EXOC5: variants seen among roughly 807,000 people sequenced by gnomAD.
The protein encoded by EXOC5 is SEC10-like 1.
In EXOC5, 17 loss-of-function variants were observed where a neutral mutation model predicts 90.8. That is an observed-to-expected ratio of 0.19 (90% CI 0.13 to 0.28). The LOEUF (loss-of-function observed/expected upper bound fraction) is 0.28, where lower values mean the gene tolerates loss of function less well. Ranked by LOEUF, EXOC5 falls within the 10% of genes least tolerant of loss-of-function variation. The pLI is 1.00. For synonymous variants in EXOC5, 260 were observed against 270.0 expected (o/e 0.96, Z 0.36); for missense variants, 569 against 830.6 (o/e 0.69, Z 3.87).
intron 6 of EXOC5, among the ~76,000 whole-genome samples, chr14:57,237,057 C>G (rs898733479): frequency 6.6e-6 from 1 of 151,866 alleles, no homozygotes; most frequent in African/African-American, 2.4e-5. Flanking sequence ...GATAGAAGTA[C>G]ATATAAATAT....
intron 1 of EXOC5, among the ~76,000 whole-genome samples, chr14:57,256,647 C>T (rs1884357323): frequency 6.6e-6 from 1 of 152,218 alleles, no homozygotes; most frequent in African/African-American, 2.4e-5. Flanking sequence ...CAAGAAGGGA[C>T]TTGCTCTAAC....
At chr14:57,241,654 C>T (rs376097361) in intron 4 of EXOC5, among the ~76,000 whole-genome samples, 31 of 152,060 alleles carry the variant, frequency 2.0e-4, no homozygotes, top group Non-Finnish European at 1.8e-4. Context: ...CTTAAGGTTA[C>T]AATATACAAC....
At chr14:57,253,875 T>C (rs1253835971) in intron 1 of EXOC5, among the ~76,000 whole-genome samples, 1 of 152,160 alleles carries the variant, frequency 6.6e-6, no homozygotes, top group East Asian at 1.9e-4. Context: ...TTACTTGTAA[T>C]ACCTAAAACT....
At chr14:57,250,419 CAAT>C (rs914520989) in intron 1 of EXOC5, among the ~76,000 whole-genome samples, 4 of 152,160 alleles carry the variant, frequency 2.6e-5, no homozygotes, top group Non-Finnish European at 5.9e-5. Context: ...TGCCTATACA[CAAT>C]AATAATTCTC....
chr14:57,217,765 A>G (rs1325906318), intron 15 of EXOC5, among the ~76,000 whole-genome samples: 3 of 152,118 alleles, frequency 2.0e-5, no homozygotes, highest in Non-Finnish European at 2.9e-5. Context: ...TGAGGAAGGC[A>G]TGTTAAATGC....
chr14:57,227,605 T>C (rs549593721), intron 12 of EXOC5, among the ~76,000 whole-genome samples: 133 of 152,262 alleles, frequency 8.7e-4, no homozygotes, highest in Non-Finnish European at 1.2e-3. Flanking sequence ...TTGCTCCACT[T>C]CCTTAACAAC....
intron 12 of EXOC5, among the ~76,000 whole-genome samples, chr14:57,225,805 T>G (rs1412426475): frequency 1.3e-5 from 2 of 152,154 alleles, no homozygotes; most frequent in South Asian, 4.1e-4. Flanking sequence ...TAGGGAGACA[T>G]GAGACATCAA....
At chr14:57,211,604 C>T (rs1394476524) in intron 15 of EXOC5, 1 of 152,256 alleles carries the variant, frequency 6.6e-6, no homozygotes, top group Non-Finnish European at 1.5e-5. Context: ...TTCACCGTTG[C>T]TAGTATGCTG....
intron 11 of EXOC5, among the ~76,000 whole-genome samples, chr14:57,230,515 T>A (rs896227124): frequency 1.3e-5 from 2 of 152,182 alleles, no homozygotes; most frequent in Non-Finnish European, 2.9e-5. Context: ...TTTCAGGTAT[T>A]ACCTCTTACT....
chr14:57,219,346 T>C lies in EXOC5; in HGVS notation c.1502A>G (p.Asn501Ser). 1 of 1,533,078 alleles carries C rather than the reference T, an allele frequency of 6.5e-7. No individual in the cohort carries two copies. The highest frequency in any genetic ancestry group is 8.8e-7 in the Non-Finnish European group (1 of 1,133,748). The allele number at this position is 1,533,078 out of a possible 1,614,324, so 95.0% of individuals were successfully genotyped here. A position where few individuals can be genotyped will look rare whatever the true frequency, so the allele number is the denominator to read the frequency against. The change falls in exon 14 of 18, where the codon AAT (asparagine) becomes AGT (serine). Residue 501 changes from asparagine (N) to serine (S), a missense_variant. Transcript: ENST00000621441. ...CCTTATTAGTGGCATAAGGTGATCA[T>C]TAAACTGTTTGTCAAAAAGATGAAA... ...TIFHLFDKQF[N>S]DHLMPLISSS...
chr14:57,257,412 A>C (rs1884379531), intron 1 of EXOC5, among the ~76,000 whole-genome samples: 1 of 152,230 alleles, frequency 6.6e-6, no homozygotes, highest in Non-Finnish European at 1.5e-5. Context: ...GGAGCTTCAC[A>C]AAATTTGAAT....
chr14:57,251,041 C>T (rs1594678115), intron 1 of EXOC5, among the ~76,000 whole-genome samples: 1 of 152,188 alleles, frequency 6.6e-6, no homozygotes, highest in African/African-American at 2.4e-5. Flanking sequence ...AAATCTGTCT[C>T]TCCATCTAGG....
chr14:57,205,390 A>G lies in EXOC5; in HGVS notation c.*3219T>C, dbSNP rs1183547063. On this transcript the variant is annotated 3_prime_UTR_variant, in exon 18 of 18. Coordinates refer to ENST00000621441, the MANE Select transcript of EXOC5 (RefSeq NM_006544.4). ...CTTTGTATGTAAAATTCAACAATAT[A>G]TGGGTAATGTGCAGAATATTTTTGC... 1 of 155,448 alleles carries G rather than the reference A, an allele frequency of 6.4e-6. No individual in the cohort carries two copies. Among genetic ancestry groups the G allele is most frequent in the African/African-American group, 2.4e-5 (1 of 41,446 alleles). 9.6% of individuals were successfully genotyped at this position (155,448 alleles called of 1,614,324 possible).
intron 15 of EXOC5, among the ~76,000 whole-genome samples, chr14:57,210,971 G>A (rs1487009974): frequency 6.6e-6 from 1 of 152,110 alleles, no homozygotes; most frequent in African/African-American, 2.4e-5. Context: ...AAGCAATTGA[G>A]AGACCAGAAA....
intron 12 of EXOC5, among the ~76,000 whole-genome samples, chr14:57,228,962 C>T (rs981073810): frequency 3.3e-5 from 5 of 151,152 alleles, no homozygotes; most frequent in Non-Finnish European, 5.9e-5. Flanking sequence ...TTTACAAATA[C>T]TTTATCACTC....
chr14:57,217,461 C>A, intron 15 of EXOC5, among the ~76,000 whole-genome samples: 1 of 152,222 alleles, frequency 6.6e-6, no homozygotes, highest in East Asian at 1.9e-4. Context: ...ACTGCTAAAT[C>A]TGTTATGGTG....
chr14:57,230,079 G>A (rs1883436234), intron 11 of EXOC5, among the ~76,000 whole-genome samples, 198 bp from the exon 12 acceptor site: 1 of 152,004 alleles, frequency 6.6e-6, no homozygotes, highest in Non-Finnish European at 1.5e-5. Context: ...TGATAAATGA[G>A]TAGATTTGGA....
At chr14:57,215,101 G>A (rs1011807442) in intron 15 of EXOC5, among the ~76,000 whole-genome samples, 5 of 152,038 alleles carry the variant, frequency 3.3e-5, no homozygotes, top group Non-Finnish European at 7.4e-5. Flanking sequence ...GTGTGGTGGT[G>A]TGTGCCTGTA....
chr14:57,234,159 T>C (rs1883577225), intron 7 of EXOC5, 127 bp from the exon 8 acceptor site: 2 of 639,990 alleles, frequency 3.1e-6, no homozygotes, highest in Non-Finnish European at 5.4e-6. Flanking sequence ...CAACACCTGT[T>C]GGACTTAAAT....
Sources: allele counts gnomAD v4.1 joint callset (sites outside exome capture counted in the v4.1 genomes callset), GRCh38; gene constraint gnomAD v4.1.1; transcripts MANE v1.5; gene names NCBI Gene and HGNC (gene_info 2026-07-23, HGNC 2026-07-21).